Variants in FBXO7 observed in about 807,000 individuals in gnomAD.
The protein encoded by FBXO7 is F-box protein 7.
A neutral mutation model predicts 50.2 loss-of-function variants in FBXO7; 31 were observed. The ratio of observed to expected loss-of-function variants is 0.62; its 90% CI spans 0.46 to 0.83. FBXO7 has a LOEUF of 0.83. FBXO7 is among the 40% of genes least tolerant of loss of function. FBXO7 has a pLI of 0.00. For synonymous variants in FBXO7, 256 were observed against 253.1 expected, an observed-to-expected ratio of 1.01 and a Z score of -0.11; for missense variants, 667 against 646.6, an observed-to-expected ratio of 1.03 and a Z score of -0.34.
chr22:32,480,064 T>C (rs1480175107), intron 2 of FBXO7, among the ~76,000 whole-genome samples: 1 of 152,216 alleles, frequency 6.6e-6, no homozygotes, highest in African/African-American at 2.4e-5. Flanking sequence ...ACTCCTTAAA[T>C]CTAGCCCATT....
Position 32,474,938 on chromosome 22 carries a change from TCGGCCCCGCCGC to T in FBXO7, c.-62_-51del. 1 of 1,462,252 alleles carries T rather than the reference TCGGCCCCGCCGC, an allele frequency of 6.8e-7. No homozygotes were observed. Among genetic ancestry groups the T allele is most frequent in the Middle Eastern group, 2.4e-4 (1 of 4,148 alleles). 90.6% of individuals were successfully genotyped at this position (1,462,252 alleles called of 1,614,324 possible). ...CGTCGCCGTTTGGGGCGGGAGCTGC[TCGGCCCCGCCGC>T]CGTCCCCGTCGCCGCTTCCGGGTCC... On this transcript the variant is annotated 5_prime_UTR_variant, in exon 1 of 9. Coordinates refer to ENST00000266087, the MANE Select transcript of FBXO7 (RefSeq NM_012179.4).
chr22:32,482,608 GTTAT>G (rs1431182018), intron 2 of FBXO7, among the ~76,000 whole-genome samples: 2 of 152,098 alleles, frequency 1.3e-5, no homozygotes, highest in Non-Finnish European at 2.9e-5. Context: ...CCTTGATTAT[GTTAT>G]TTAATCTTTC....
chr22:32,477,433 C>G (rs1300259417), intron 1 of FBXO7, among the ~76,000 whole-genome samples: 2 of 152,172 alleles, frequency 1.3e-5, no homozygotes, highest in Non-Finnish European at 2.9e-5. Context: ...TTCCTCACCA[C>G]TGTGTGATGA....
At position 32,498,139 on chromosome 22, in the gene FBXO7, TA is replaced by T. The variant is rs1399849415; in HGVS notation, c.1183-4del. ...CTTGTTCTTTTATTTTTCTTTTTTC[TA>T]CAGCTGTACAGGAAGAGGCACATAC... On this transcript the variant is annotated splice_polypyrimidine_tract_variant and splice_region_variant and intron_variant, in intron 8 of 8. Transcript: ENST00000266087. The T allele has an allele frequency of 3.5e-5, 56 of 1,614,012 alleles. No homozygotes were observed. The highest frequency in any genetic ancestry group is 4.7e-5 in the Non-Finnish European group (55 of 1,179,976).
chr22:32,491,255 A>G (rs764285771), intron 6 of FBXO7, 74 bp downstream of exon 6: 23 of 1,124,786 alleles, frequency 2.0e-5, no homozygotes, highest in Middle Eastern at 1.9e-4. Context: ...CTTGGTGAGT[A>G]TGACATCTGA....
At chr22:32,475,528 AG>A (rs1481566389) in intron 1 of FBXO7, 2 of 1,114,072 alleles carry the variant, frequency 1.8e-6, no homozygotes, top group Non-Finnish European at 2.5e-6. Flanking sequence ...CTGGACTGTG[AG>A]GGGTCCGAGT....
Position 32,498,662 on chromosome 22 carries a change from T to C in FBXO7, c.*132T>C. On this transcript the variant is annotated 3_prime_UTR_variant, in exon 9 of 9. Transcript: ENST00000266087. Reference sequence around the variant, plus strand: ...TGAGAGTTGCACTCCCAGAAACCTTTTAAGAGATACATTTATAGCCCTAGG... The same window carrying C: ...TGAGAGTTGCACTCCCAGAAACCTTCTAAGAGATACATTTATAGCCCTAGG... 1 of 1,103,510 alleles carries C rather than the reference T, an allele frequency of 9.1e-7. No homozygotes were observed. The highest frequency in any genetic ancestry group is 1.5e-5 in the African/African-American group (1 of 64,528). The allele number at this position is 1,103,510 out of a possible 1,614,324, so 68.4% of individuals were successfully genotyped here.
chr22:32,481,017 T>C (rs951832333), intron 2 of FBXO7, among the ~76,000 whole-genome samples: 3 of 152,208 alleles, frequency 2.0e-5, no homozygotes, highest in Non-Finnish European at 4.4e-5. Flanking sequence ...CCTTTATTTT[T>C]TTAATACCAA....
chr22:32,484,528 C>G (rs1418193951), intron 3 of FBXO7, among the ~76,000 whole-genome samples: 3 of 152,060 alleles, frequency 2.0e-5, no homozygotes, highest in Non-Finnish European at 2.9e-5. Flanking sequence ...ATGCACTGAC[C>G]TAGAAATTAG....
intron 4 of FBXO7, among the ~76,000 whole-genome samples, chr22:32,486,214 A>T (rs909948103): frequency 9.6e-5 from 14 of 145,436 alleles, no homozygotes; most frequent in African/African-American, 3.3e-4. Context: ...TCTGTGTAAG[A>T]TTCTGTTTGA....
intron 8 of FBXO7, among the ~76,000 whole-genome samples, 187 bp downstream of exon 8, chr22:32,495,717 A>G (rs1293037440): frequency 6.6e-6 from 1 of 152,166 alleles, no homozygotes; most frequent in Non-Finnish European, 1.5e-5. Flanking sequence ...AATTATATGG[A>G]AAAAAATGTT....
chr22:32,491,416 T>C (rs1239657433), intron 6 of FBXO7: 5 of 457,466 alleles, frequency 1.1e-5, no homozygotes, highest in East Asian at 4.4e-5. Flanking sequence ...ATTGTTGATA[T>C]GATTTCTTTC....
At chr22:32,495,211 G>A (rs1445927172) in intron 7 of FBXO7, among the ~76,000 whole-genome samples, 1 of 152,198 alleles carries the variant, frequency 6.6e-6, no homozygotes, top group African/African-American at 2.4e-5. Context: ...AATGCAGGAA[G>A]AGAGTAGCCA....
intron 8 of FBXO7, among the ~76,000 whole-genome samples, chr22:32,497,486 T>C (rs2146008053): frequency 6.6e-6 from 1 of 152,366 alleles, no homozygotes; most frequent in East Asian, 1.9e-4. Flanking sequence ...TTTTTATGGC[T>C]GAGTAGTATT....
intron 4 of FBXO7, chr22:32,487,316 G>T (rs887667023): frequency 1.2e-5 from 2 of 172,850 alleles, no homozygotes; most frequent in Non-Finnish European, 2.5e-5. Context: ...CTGGAAGAGA[G>T]ATGATGCTGT....
At position 32,484,043 on chromosome 22, in the gene FBXO7, A is replaced by G. The variant is rs374263493; in HGVS notation, c.564A>G (p.Gln188=). 3.0e-5 allele frequency: 49 copies of G among 1,614,072 alleles called. No homozygotes were observed. The highest frequency in any genetic ancestry group is 3.4e-5 in the Non-Finnish European group (40 of 1,180,034). ...QVPHSLETLY[Q]SADCSDANDA... is the part of the protein sequence containing the mutation. ...CACATTCATTAGAGACCTTGTATCAATCAGCTGACTGTTCTGATGCCAATG... is the reference window on the plus strand; with the variant it reads ...CACATTCATTAGAGACCTTGTATCAGTCAGCTGACTGTTCTGATGCCAATG... The change falls in exon 3 of 9, where the codon CAA becomes CAG. Residue 188 remains glutamine, a synonymous_variant. Transcript: ENST00000266087.
rs562427259 is a variant in FBXO7 at position 32,475,658 on chromosome 22, A to G, written c.122+534A>G. 8.7e-5 allele frequency: 43 copies of G among 494,516 alleles called. No individual in the cohort carries two copies. In the Middle Eastern group the frequency reaches 1.5e-3, roughly 18 times the overall value. The allele number at this position is 494,516 out of a possible 1,614,324, so 30.6% of individuals were successfully genotyped here. A position where few individuals can be genotyped will look rare whatever the true frequency, so the allele number is the denominator to read the frequency against. The stretch of plus-strand genomic sequence containing the variant: ...GTATCGCTGCTGTGAAGCGGCAACA[A>G]TTTTAGATTCTGTTGTGTTCATGCG... On this transcript the variant is annotated intron_variant, in intron 1 of 8. Transcript: ENST00000266087.
In FBXO7 at chr22:32,479,245, C is replaced by A; in HGVS notation, c.387C>A (p.Ala129=). The A allele has an allele frequency of 6.2e-7, 1 of 1,614,068 alleles. No individual in the cohort carries two copies. The highest frequency in any genetic ancestry group is 8.5e-7 in the Non-Finnish European group (1 of 1,180,022). Residue 129 remains alanine, a synonymous_variant, in exon 2 of 9, where the codon GCC becomes GCA. Coordinates refer to ENST00000266087, the MANE Select transcript of FBXO7 (RefSeq NM_012179.4). ...GTGATTCATTCCAAGGACAGGCAGCCCAGTCTGGTGTTTGGAATGACGACA... is the reference window on the plus strand; with the variant it reads ...GTGATTCATTCCAAGGACAGGCAGCACAGTCTGGTGTTTGGAATGACGACA... The part of the protein sequence containing the change: ...QPSDSFQGQA[A]QSGVWNDDSM...
chr22:32,483,934 A>T lies in FBXO7; in HGVS notation c.455A>T (p.Gln152Leu). 1 of 1,614,192 alleles carries T rather than the reference A, an allele frequency of 6.2e-7. No individual in the cohort carries two copies. The highest frequency in any genetic ancestry group is 8.5e-7 in the Non-Finnish European group (1 of 1,180,018). ...PSQNFEAESI[Q>L]DNAHMAEGTG... is the part of the protein sequence containing the mutation. The stretch of plus-strand genomic sequence containing the variant: ...CAAAATTTTGAAGCTGAGTCAATTC[A>T]AGATAATGCGCATATGGCAGAGGGC... The change falls in exon 3 of 9, where the codon CAA becomes CTA. Residue 152 changes from glutamine (Q) to leucine (L), a missense_variant. Gln to Leu is a moderately radical substitution (Grantham distance 113). Coordinates refer to ENST00000266087, the MANE Select transcript of FBXO7 (RefSeq NM_012179.4).
Sources: allele counts gnomAD v4.1 joint callset (sites outside exome capture counted in the v4.1 genomes callset), GRCh38; gene constraint gnomAD v4.1.1; transcripts MANE v1.5; gene names NCBI Gene and HGNC (gene_info 2026-07-23, HGNC 2026-07-21).